The following UBE2O variants were observed in gnomAD, a reference collection of about 807,000 sequenced individuals.
The protein encoded by UBE2O is ubiquitin conjugating enzyme E2 O, also known as (E3-independent) E2 ubiquitin-conjugating enzyme.
Under a neutral mutation model 125.8 loss-of-function variants are expected in UBE2O, and 15 were observed. That is an observed-to-expected ratio of 0.12 (90% CI 0.08 to 0.18). UBE2O has a LOEUF of 0.18. Ranked by LOEUF, UBE2O falls within the 10% of genes least tolerant of loss-of-function variation. The pLI is 1.00. For missense variants in UBE2O, 1,280 were observed against 1,723.6 expected (o/e 0.74, Z 4.56); for synonymous variants, 708 against 703.2 (o/e 1.01, Z -0.11).
Position 76,390,680 on chromosome 17 carries a change from G to A in UBE2O, c.*263C>T, listed in dbSNP as rs1567827206. On this transcript the variant is annotated 3_prime_UTR_variant, in exon 18 of 18. Transcript: ENST00000319380. ...GGAGCAAGTGCCGGACATTCTGCTGGGGTGACAAATGGAAAATCGGCAACA... is the reference window on the plus strand; with the variant it reads ...GGAGCAAGTGCCGGACATTCTGCTGAGGTGACAAATGGAAAATCGGCAACA... 2.6e-6 allele frequency: 1 copy of A among 389,442 alleles called. No homozygotes were observed. The highest frequency in any genetic ancestry group is 4.6e-6 in the Non-Finnish European group (1 of 215,596). 24.1% of individuals were successfully genotyped at this position (389,442 alleles called of 1,614,324 possible). A position where few individuals can be genotyped will look rare whatever the true frequency, so the allele number is the denominator to read the frequency against.
chr17:76,424,731 A>G (rs1037731997), intron 1 of UBE2O, among the ~76,000 whole-genome samples: 7 of 151,634 alleles, frequency 4.6e-5, no homozygotes, highest in Non-Finnish European at 1.0e-4. Flanking sequence ...TGGCAGCAGG[A>G]TCCCTTAAGC....
intron 1 of UBE2O, among the ~76,000 whole-genome samples, chr17:76,426,881 G>A (rs1421500437): frequency 6.8e-6 from 1 of 146,440 alleles, no homozygotes; most frequent in Non-Finnish European, 1.5e-5. Context: ...CCTTCTTCCC[G>A]AAGTACAGCG....
intron 1 of UBE2O, among the ~76,000 whole-genome samples, chr17:76,440,447 C>T (rs961491475): frequency 2.0e-5 from 3 of 152,210 alleles, no homozygotes; most frequent in African/African-American, 7.2e-5. Context: ...CTCACCTCAG[C>T]CTACTGAGTA....
chr17:76,436,778 C>T (rs991389866), intron 1 of UBE2O, among the ~76,000 whole-genome samples: 2 of 152,146 alleles, frequency 1.3e-5, no homozygotes, highest in South Asian at 2.1e-4. Flanking sequence ...AAAAAGGTAA[C>T]GCCTCTTAGG....
chr17:76,446,912 TTA>T (rs1278281413), intron 1 of UBE2O, among the ~76,000 whole-genome samples: 2 of 152,218 alleles, frequency 1.3e-5, no homozygotes, highest in South Asian at 2.1e-4. Flanking sequence ...TTTTTGACAG[TTA>T]TTTTGAGAAT....
At chr17:76,429,021 C>G (rs62084970) in intron 1 of UBE2O, among the ~76,000 whole-genome samples, 70,444 of 151,008 alleles carry the variant, frequency 0.47, 18,884 homozygotes, top group Non-Finnish European at 0.6. Context: ...CCTGCCTCAG[C>G]CTCCCGAGTA....
intron 1 of UBE2O, among the ~76,000 whole-genome samples, chr17:76,448,445 G>A (rs955135951): frequency 6.6e-6 from 1 of 152,192 alleles, no homozygotes; most frequent in Non-Finnish European, 1.5e-5. Context: ...GGAAATGCTG[G>A]CCAGCGTAGG....
At position 76,400,485 on chromosome 17, in the gene UBE2O, G is replaced by A. The variant is rs2072301083; in HGVS notation, c.960C>T (p.Ser320=). ...TGATGACAGAGGGTGGGGGGCTGAC[G>A]CTGTCCGTGCCCCCTGGACAGAAAC... is the stretch of plus-strand genomic sequence containing the variant. ...TKSFCPGGTD[S]VSPPPSVITQ... Residue 320 remains serine (S), a synonymous_variant, in exon 7 of 18, where the codon AGC becomes AGT. Transcript: ENST00000319380. The surrounding 1 kb of genome is among the most constrained non-coding windows in gnomAD (Gnocchi z 4.3). 11 of 1,613,070 alleles carry A rather than the reference G, an allele frequency of 6.8e-6. No homozygotes were observed. Among genetic ancestry groups the A allele is most frequent in the African/African-American group, 1.3e-5 (1 of 74,892 alleles).
Position 76,400,364 on chromosome 17 carries a change from TC to T in UBE2O, c.1005-68del. ...GGGAGGCCAGCAGTGTTCTTAAGCCTCCCCAGGCATGTGACCAGGGCCCAGA... is the reference window on the plus strand; with the variant it reads ...GGGAGGCCAGCAGTGTTCTTAAGCCTCCCAGGCATGTGACCAGGGCCCAGA... On this transcript the variant is annotated intron_variant, in intron 7 of 17. Coordinates refer to ENST00000319380, the MANE Select transcript of UBE2O (RefSeq NM_022066.4). The surrounding 1 kb of genome is among the most constrained non-coding windows in gnomAD (Gnocchi z 4.3). The T allele has an allele frequency of 6.3e-7, 1 of 1,594,840 alleles. No homozygotes were observed.
chr17:76,442,162 C>T (rs149524848), intron 1 of UBE2O, among the ~76,000 whole-genome samples: 1 of 152,300 alleles, frequency 6.6e-6, no homozygotes, highest in Non-Finnish European at 1.5e-5. Flanking sequence ...CTAGCTCTAG[C>T]CTAGTCCACA....
chr17:76,400,635 C>A lies in UBE2O; in HGVS notation c.895-85G>T. 1.1e-6 allele frequency: 1 copy of A among 901,462 alleles called. No individual in the cohort carries two copies. Among genetic ancestry groups the A allele is most frequent in the Non-Finnish European group, 1.7e-6 (1 of 588,282 alleles). The allele number at this position is 901,462 out of a possible 1,614,324, so 55.8% of individuals were successfully genotyped here. A position where few individuals can be genotyped will look rare whatever the true frequency, so the allele number is the denominator to read the frequency against. On this transcript the variant is annotated intron_variant, in intron 6 of 17. Transcript: ENST00000319380. The surrounding 1 kb of genome is among the most constrained non-coding windows in gnomAD (Gnocchi z 4.3). ...CAGCTGCCCAAAGCCCACTTGACCT[C>A]CAGAGCAGGAAACTGATCTTCCTAG...
intron 1 of UBE2O, among the ~76,000 whole-genome samples, chr17:76,432,252 G>A (rs974608632): frequency 1.3e-5 from 2 of 152,126 alleles, no homozygotes; most frequent in African/African-American, 4.8e-5. Context: ...CCGTCAAACT[G>A]CTACGGAAAG....
At position 76,452,797 on chromosome 17, in the gene UBE2O, G is replaced by A; in HGVS notation, c.345C>T (p.Ser115=). The A allele has an allele frequency of 1.3e-6, 2 of 1,522,434 alleles. No individual in the cohort carries two copies. Among genetic ancestry groups the A allele is most frequent in the South Asian group, 1.2e-5 (1 of 80,886 alleles). 94.3% of individuals were successfully genotyped at this position (1,522,434 alleles called of 1,614,324 possible). A position where few individuals can be genotyped will look rare whatever the true frequency, so the allele number is the denominator to read the frequency against. The change falls in exon 1 of 18, where the codon AGC becomes AGT. Residue 115 remains serine, a synonymous_variant. Coordinates refer to ENST00000319380, the MANE Select transcript of UBE2O (RefSeq NM_022066.4). The surrounding 1 kb of genome is among the most constrained non-coding windows in gnomAD (Gnocchi z 4.4). ...CGCGCACGTAGCCGCGGCGCAGGGG[G>A]CTGGCCCGGCCCTCCTCGTGGCCCG... is the stretch of plus-strand genomic sequence containing the variant. ...GGAGHEEGRA[S]PLRRGYVRVQ... is the part of the protein sequence containing the mutation.
At chr17:76,407,110 G>A (rs907798224) in intron 1 of UBE2O, among the ~76,000 whole-genome samples, 1 of 152,168 alleles carries the variant, frequency 6.6e-6, no homozygotes, top group African/African-American at 2.4e-5. Context: ...AGAGATGATG[G>A]CAGCTGTCTC....
chr17:76,401,873 CAAAAAAAAA>C lies in UBE2O; in HGVS notation c.750+182_750+190del, dbSNP rs71280851. 3.3e-5 allele frequency: 5 copies of C among 152,610 alleles called. 1 individual carries two copies. Among genetic ancestry groups the C allele is most frequent in the African/African-American group, 2.5e-4 (5 of 20,164 alleles). The allele number at this position is 152,610 out of a possible 1,614,324, so 9.5% of individuals were successfully genotyped here. A position where few individuals can be genotyped will look rare whatever the true frequency, so the allele number is the denominator to read the frequency against. On this transcript the variant is annotated intron_variant, in intron 5 of 17. Transcript: ENST00000319380. ...CCTGGGCGACAGTGAGACTCTGTCT[CAAAAAAAAA>C]AAAAAAAAAAAAAGTTCTAATACTT...
chr17:76,453,119 G>T lies in UBE2O; in HGVS notation c.23C>A (p.Thr8Lys). 1 of 789,932 alleles carries T rather than the reference G, an allele frequency of 1.3e-6. No individual in the cohort carries two copies. The highest frequency in any genetic ancestry group is 1.8e-6 in the Non-Finnish European group (1 of 563,840). 48.9% of individuals were successfully genotyped at this position (789,932 alleles called of 1,614,324 possible). A position where few individuals can be genotyped will look rare whatever the true frequency, so the allele number is the denominator to read the frequency against. Residue 8 changes from threonine to lysine, a missense_variant, in exon 1 of 18, where the codon ACG becomes AAG. Transcript: ENST00000319380. MADPAAP[T>K]PAAPAPAQAP... ...CTGGGCTGGAGCGGGAGCTGCGGGC[G>T]TGGGGGCTGCGGGATCCGCCATAAC... is the stretch of plus-strand genomic sequence containing the variant.
chr17:76,409,925 G>A (rs1301414271), intron 1 of UBE2O, among the ~76,000 whole-genome samples: 1 of 152,146 alleles, frequency 6.6e-6, no homozygotes, highest in Non-Finnish European at 1.5e-5. Context: ...AGGCCACATG[G>A]GGGCCAGCAG....
chr17:76,452,941 C>T lies in UBE2O; in HGVS notation c.201G>A (p.Ser67=). The T allele has an allele frequency of 6.7e-7, 1 of 1,497,800 alleles. No homozygotes were observed. Among genetic ancestry groups the T allele is most frequent in the Non-Finnish European group, 8.9e-7 (1 of 1,123,264 alleles). The allele number at this position is 1,497,800 out of a possible 1,614,324, so 92.8% of individuals were successfully genotyped here. A position where few individuals can be genotyped will look rare whatever the true frequency, so the allele number is the denominator to read the frequency against. The stretch of plus-strand genomic sequence containing the variant: ...AGTGCACGGAGCCACGGTAACGGCC[C>T]GACACCAGGTCGTGAGAAAACAGCA... ...QRLLFSHDLV[S]GRYRGSVHFG... The change falls in exon 1 of 18, where the codon TCG becomes TCA. Residue 67 remains serine, a synonymous_variant. Coordinates refer to ENST00000319380, the MANE Select transcript of UBE2O (RefSeq NM_022066.4). The surrounding 1 kb of genome is among the most constrained non-coding windows in gnomAD (Gnocchi z 4.4).
chr17:76,402,097 C>T lies in UBE2O; in HGVS notation c.717G>A (p.Lys239=), dbSNP rs776581120. ...RCSMNTEDGA[K]LYDVCPHVSD... is the part of the protein sequence containing the mutation. Reference sequence around the variant, plus strand: ...TGACGTGCGGGCAGACGTCGTAGAGCTTGGCGCCATCTTCCGTGTTCATGG... The same window carrying T: ...TGACGTGCGGGCAGACGTCGTAGAGTTTGGCGCCATCTTCCGTGTTCATGG... Residue 239 remains lysine, a synonymous_variant, in exon 5 of 18, where the codon AAG becomes AAA. Coordinates refer to ENST00000319380, the MANE Select transcript of UBE2O (RefSeq NM_022066.4). The surrounding 1 kb of genome is among the most constrained non-coding windows in gnomAD (Gnocchi z 5.4). The T allele has an allele frequency of 1.2e-6, 2 of 1,613,750 alleles. No homozygotes were observed. Among genetic ancestry groups the T allele is most frequent in the Non-Finnish European group, 8.5e-7 (1 of 1,180,014 alleles).
Sources: gnomAD v4.1 joint callset for allele counts (sites outside exome capture counted in the v4.1 genomes callset) on GRCh38, gnomAD v4.1.1 for gene constraint, Gnocchi (gnomAD v3.1) non-coding constraint, MANE v1.5 for transcripts, NCBI Gene and HGNC (gene_info 2026-07-23, HGNC 2026-07-21) for gene names.